Variants in RELCH observed in about 807,000 individuals in gnomAD.
RELCH encodes RAB11 binding and LisH domain, coiled-coil and HEAT repeat containing.
In RELCH, 41 loss-of-function variants were observed where a neutral mutation model predicts 150.3. The observed-to-expected ratio is 0.27, with a 90% CI of 0.21 to 0.35. RELCH has a LOEUF of 0.35. Ranked by LOEUF, RELCH falls within the 10% of genes least tolerant of loss-of-function variation. The pLI, the probability that RELCH is intolerant of heterozygous loss-of-function variation, is 1.00. For missense variants in RELCH, 1,092 were observed against 1,467.8 expected (o/e 0.74, Z 4.18); for synonymous variants, 478 against 531.8 (o/e 0.90, Z 1.39).
At position 62,188,042 on chromosome 18, in the gene RELCH, G is replaced by A. The variant is rs773150265; in HGVS notation, c.526+11G>A. 1.3e-6 allele frequency: 2 copies of A among 1,543,274 alleles called. No homozygotes were observed. Among genetic ancestry groups the A allele is most frequent in the Non-Finnish European group, 8.7e-7 (1 of 1,144,964 alleles). On this transcript the variant is annotated intron_variant, in intron 1 of 28. Coordinates refer to ENST00000644646, the MANE Select transcript of RELCH (RefSeq NM_001346231.2). ...GCGGGGGACAGCTCAGTAAGTGGAC[G>A]CAGCCTGTCACACTCCGGCAGGGTA... is the stretch of plus-strand genomic sequence containing the variant.
At chr18:62,196,475 C>G (rs1278753396) in intron 1 of RELCH, among the ~76,000 whole-genome samples, 2 of 152,204 alleles carry the variant, frequency 1.3e-5, no homozygotes, top group Non-Finnish European at 2.9e-5. Flanking sequence ...AGTGATCCAC[C>G]TGCCTCGGCC....
Position 62,291,537 on chromosome 18 carries a change from C to A in RELCH, c.3371-6C>A. On this transcript the variant is annotated splice_region_variant and splice_polypyrimidine_tract_variant and intron_variant, in intron 26 of 28. Transcript: ENST00000644646. ...TGTTTAATTCCCTTAACTACCTTGT[C>A]CCAAGTCATTTCAGAGGATTTAATG... is the stretch of plus-strand genomic sequence containing the variant. 5.0e-6 allele frequency: 8 copies of A among 1,594,482 alleles called. No homozygotes were observed. Among genetic ancestry groups the A allele is most frequent in the Non-Finnish European group, 6.9e-6 (8 of 1,165,852 alleles).
chr18:62,255,502 T>C, intron 13 of RELCH, 24 bp downstream of exon 13: 1 of 1,507,488 alleles, frequency 6.6e-7, no homozygotes. Flanking sequence ...TTTTTTTTTC[T>C]TTAAACTATT....
intron 11 of RELCH, among the ~76,000 whole-genome samples, chr18:62,249,105 T>C (rs2148520111): frequency 6.6e-6 from 1 of 152,336 alleles, no homozygotes; most frequent in East Asian, 1.9e-4. Context: ...TGCAAAATAA[T>C]AGAATTGTAC....
At chr18:62,228,954 C>T (rs17069634) in intron 8 of RELCH, among the ~76,000 whole-genome samples, 12,917 of 152,000 alleles carry the variant, frequency 0.085, 634 homozygotes, top group Middle Eastern at 0.17. Flanking sequence ...TTTGATGCTG[C>T]GTAGTTGCCT....
At chr18:62,287,925 C>A (rs1373689881) in intron 26 of RELCH, among the ~76,000 whole-genome samples, 2 of 152,072 alleles carry the variant, frequency 1.3e-5, no homozygotes, top group African/African-American at 4.8e-5. Context: ...ACAGGGCCAA[C>A]AAAGCTAATG....
At chr18:62,256,842 A>C (rs2043014943) in intron 13 of RELCH, among the ~76,000 whole-genome samples, 1 of 152,094 alleles carries the variant, frequency 6.6e-6, no homozygotes. Context: ...GATACCAACC[A>C]ACAAGTCCCT....
At chr18:62,225,209 T>C (rs1363292220) in intron 5 of RELCH, among the ~76,000 whole-genome samples, 2 of 151,474 alleles carry the variant, frequency 1.3e-5, no homozygotes, top group Non-Finnish European at 2.9e-5. Flanking sequence ...ATGGAGCATA[T>C]ACTTAAATAT....
intron 10 of RELCH, among the ~76,000 whole-genome samples, chr18:62,233,701 A>G (rs954150480): frequency 5.9e-5 from 9 of 151,990 alleles, no homozygotes; most frequent in African/African-American, 1.9e-4. Flanking sequence ...AGCTTGTAAC[A>G]TAATCCATGT....
intron 1 of RELCH, among the ~76,000 whole-genome samples, chr18:62,198,795 C>G (rs1433807169): frequency 6.6e-6 from 1 of 151,704 alleles, no homozygotes; most frequent in African/African-American, 2.4e-5. Context: ...TTTTTAGTAG[C>G]AAAAAAATAT....
intron 11 of RELCH, among the ~76,000 whole-genome samples, chr18:62,252,356 A>G (rs1286208852): frequency 3.3e-5 from 5 of 151,956 alleles, no homozygotes; most frequent in East Asian, 3.9e-4. Flanking sequence ...CGTCTCTACA[A>G]AAAAACACAG....
intron 11 of RELCH, among the ~76,000 whole-genome samples, chr18:62,251,004 C>A (rs977886543): frequency 3.3e-5 from 5 of 152,098 alleles, no homozygotes; most frequent in African/African-American, 1.2e-4. Context: ...ACTTAAAATT[C>A]TGCATTTTAA....
At chr18:62,300,268 C>T (rs1202791720) in intron 28 of RELCH, 3 of 152,272 alleles carry the variant, frequency 2.0e-5, no homozygotes, top group Non-Finnish European at 4.4e-5. Context: ...ATCAGATTCA[C>T]GGCAAGCTTC....
At chr18:62,272,075 G>T (rs908319953) in intron 20 of RELCH, among the ~76,000 whole-genome samples, 7 of 152,070 alleles carry the variant, frequency 4.6e-5, no homozygotes, top group Non-Finnish European at 7.4e-5. Flanking sequence ...TGTTAAAGTG[G>T]CACAGTATCC....
chr18:62,272,876 A>G (rs2043983548), intron 20 of RELCH, among the ~76,000 whole-genome samples: 1 of 152,068 alleles, frequency 6.6e-6, no homozygotes, highest in Admixed American at 6.6e-5. Flanking sequence ...ATAGTAGGCA[A>G]CTAAAAATGG....
Position 62,269,728 on chromosome 18 carries a change from T to A in RELCH, c.2760+780T>A, listed in dbSNP as rs371871333. 1.4e-4 allele frequency among the ~76,000 whole-genome samples: 21 copies of A among 152,260 alleles called. 2 individuals carry two copies. Among genetic ancestry groups the A allele is most frequent in the African/African-American group, 5.1e-4 (21 of 41,560 alleles). On this transcript the variant is annotated intron_variant, in intron 20 of 28. Transcript: ENST00000644646. ...ATGTAAGTACTTAACAATAAGAAAA[T>A]ATGACATATCATCAATACAGCGAAA...
In RELCH at chr18:62,251,948, G is replaced by A. The variant is rs148069367; in HGVS notation, c.1734-716G>A. ...GGAGTGGCTAATCTTAAAGAACTTA[G>A]GTTCTTGGTGGCAGCTTAGGCCATT... On this transcript the variant is annotated intron_variant, in intron 11 of 28. Coordinates refer to ENST00000644646, the MANE Select transcript of RELCH (RefSeq NM_001346231.2). 7.7e-3 allele frequency among the ~76,000 whole-genome samples: 1,178 copies of A among 152,142 alleles called. 15 individuals are homozygous for A. Among genetic ancestry groups the A allele is most frequent in the African/African-American group, 0.026 (1,095 of 41,532 alleles).
chr18:62,248,858 A>G (rs570524987), intron 11 of RELCH, among the ~76,000 whole-genome samples: 1 of 152,282 alleles, frequency 6.6e-6, no homozygotes, highest in Non-Finnish European at 1.5e-5. Context: ...GCCACAGATC[A>G]GGGTGACACA....
chr18:62,294,404 C>G (rs993354700), intron 27 of RELCH, among the ~76,000 whole-genome samples: 1 of 152,150 alleles, frequency 6.6e-6, no homozygotes, highest in African/African-American at 2.4e-5. Flanking sequence ...TATAAAATTA[C>G]CATTATGTTT....
Sources: allele counts gnomAD v4.1 joint callset (sites outside exome capture counted in the v4.1 genomes callset), GRCh38; gene constraint gnomAD v4.1.1; transcripts MANE v1.5; gene names NCBI Gene and HGNC (gene_info 2026-07-23, HGNC 2026-07-21).